Variants in RTTN observed in about 807,000 individuals in gnomAD.
RTTN encodes rotatin.
A neutral mutation model predicts 269.2 loss-of-function variants in RTTN; 182 were observed. The observed-to-expected ratio is 0.68, with a 90% CI of 0.60 to 0.76. The LOEUF (loss-of-function observed/expected upper bound fraction) is 0.76, where lower values mean the gene tolerates loss of function less well. RTTN is among the 30% of genes least tolerant of loss of function. The pLI is 0.00. For synonymous variants in RTTN, 1,006 were observed against 963.5 expected (o/e 1.04, Z -0.82); for missense variants, 2,545 against 2,608.6 (o/e 0.98, Z 0.53).
At chr18:70,139,052 T>C (rs2060194745) in intron 21 of RTTN, 1 of 151,420 alleles carries the variant, frequency 6.6e-6, no homozygotes, top group African/African-American at 2.4e-5. Context: ...TGAAACGTGT[T>C]CATCTAACAC....
intron 28 of RTTN, among the ~76,000 whole-genome samples, chr18:70,095,569 G>A (rs2058979537): frequency 6.6e-6 from 1 of 152,142 alleles, no homozygotes; most frequent in Non-Finnish European, 1.5e-5. Flanking sequence ...AGTTTGGCTA[G>A]ATATGAAATT....
chr18:70,070,074 T>TA (rs1278388954), intron 34 of RTTN, among the ~76,000 whole-genome samples: 6 of 152,034 alleles, frequency 3.9e-5, no homozygotes, highest in African/African-American at 7.2e-5. Context: ...ACAATATATG[T>TA]AAAAAAAAGA....
chr18:70,119,764 T>C (rs1413773988), intron 26 of RTTN, among the ~76,000 whole-genome samples: 1 of 152,238 alleles, frequency 6.6e-6, no homozygotes, highest in Non-Finnish European at 1.5e-5. Context: ...ATACATGGTT[T>C]CCATTTTTGT....
intron 27 of RTTN, among the ~76,000 whole-genome samples, chr18:70,111,473 T>C (rs908213015): frequency 9.2e-5 from 14 of 151,914 alleles, no homozygotes; most frequent in Non-Finnish European, 1.9e-4. Context: ...CATGGGCCTG[T>C]CAGAAGGAAA....
At chr18:70,144,317 C>T (rs539236271) in intron 18 of RTTN, among the ~76,000 whole-genome samples, 16 of 152,188 alleles carry the variant, frequency 1.1e-4, no homozygotes, top group African/African-American at 3.9e-4. Context: ...TTCCCTGTTG[C>T]TCCCAGAAGC....
rs2056109015 is a variant in RTTN at position 70,004,204 on chromosome 18, C to T, written c.6628G>A (p.Ala2210Thr). ...TTTTCAAGACATTTCAAATAATAGG[C>T]ATTTAGAGGGTTTGCTTCTGAGTTT... ...FPNSEANPLNAYYLKCLENLV... is the reference protein window; with the variant it reads ...FPNSEANPLNTYYLKCLENLV... Residue 2210 changes from alanine (A) to threonine (T), a missense_variant, in exon 49 of 49, where the codon GCC becomes ACC. Coordinates refer to ENST00000640769, the MANE Select transcript of RTTN (RefSeq NM_173630.4). 2 of 1,613,662 alleles carry T rather than the reference C, an allele frequency of 1.2e-6. No homozygotes were observed. The highest frequency in any genetic ancestry group is 8.5e-7 in the Non-Finnish European group (1 of 1,179,680).
At chr18:70,100,945 T>C (rs911662385) in intron 28 of RTTN, among the ~76,000 whole-genome samples, 1 of 152,210 alleles carries the variant, frequency 6.6e-6, no homozygotes, top group Non-Finnish European at 1.5e-5. Context: ...TCATGGTGGA[T>C]AAGCTTTTTC....
At chr18:70,108,203 G>A (rs1275013282) in intron 28 of RTTN, among the ~76,000 whole-genome samples, 2 of 152,074 alleles carry the variant, frequency 1.3e-5, no homozygotes, top group African/African-American at 4.8e-5. Flanking sequence ...CTTGAACCCG[G>A]GAGGCAGAGG....
chr18:70,013,381 G>GTA (rs1444946491), intron 46 of RTTN, among the ~76,000 whole-genome samples: 2 of 150,816 alleles, frequency 1.3e-5, no homozygotes, highest in African/African-American at 5.0e-5. Context: ...GTGTGTGTAT[G>GTA]TATATATACA....
At chr18:70,127,819 T>C in intron 24 of RTTN, 78 bp from the exon 25 acceptor site, 2 of 1,318,438 alleles carry the variant, frequency 1.5e-6, no homozygotes, top group Non-Finnish European at 2.0e-6. Flanking sequence ...TATTATAAAC[T>C]CTCCCAAAAG....
chr18:70,004,368 A>G (rs2056115258), intron 48 of RTTN, 132 bp from the exon 49 acceptor site: 1 of 503,422 alleles, frequency 2.0e-6, no homozygotes, highest in East Asian at 3.2e-5. Context: ...TCTTGATGTA[A>G]TAGCATTCCA....
At chr18:70,087,191 T>C (rs2058724178) in intron 31 of RTTN, among the ~76,000 whole-genome samples, 1 of 152,046 alleles carries the variant, frequency 6.6e-6, no homozygotes. Flanking sequence ...CTGAAGATGA[T>C]CAAATTAAAT....
At chr18:70,196,399 G>C in intron 7 of RTTN, 102 bp downstream of exon 7, 1 of 999,292 alleles carries the variant, frequency 1.0e-6, no homozygotes, top group Non-Finnish European at 1.4e-6. Context: ...TTTATGTTGT[G>C]AAAATGCGTA....
chr18:70,030,487 C>A (rs979588252), intron 41 of RTTN, among the ~76,000 whole-genome samples: 2 of 152,130 alleles, frequency 1.3e-5, no homozygotes, highest in Non-Finnish European at 2.9e-5. Context: ...GAAATTTATA[C>A]GAAAATATGG....
At chr18:70,052,633 T>C (rs1166679741) in intron 38 of RTTN, among the ~76,000 whole-genome samples, 1 of 98,062 alleles carries the variant, frequency 1.0e-5, no homozygotes. Context: ...TTTCATGTAA[T>C]TTATTTACTT....
intron 14 of RTTN, among the ~76,000 whole-genome samples, chr18:70,159,986 C>A (rs1191852977): frequency 6.6e-6 from 1 of 152,058 alleles, no homozygotes; most frequent in African/African-American, 2.4e-5. Context: ...GACAAACTCA[C>A]AGCCAAATTC....
intron 14 of RTTN, among the ~76,000 whole-genome samples, chr18:70,159,288 T>C (rs563239933): frequency 6.6e-6 from 1 of 152,282 alleles, no homozygotes; most frequent in African/African-American, 2.4e-5. Flanking sequence ...AGAAGATCTC[T>C]CAAAAATGAT....
At chr18:70,107,786 A>G (rs1259914279) in intron 28 of RTTN, among the ~76,000 whole-genome samples, 1 of 152,250 alleles carries the variant, frequency 6.6e-6, no homozygotes, top group African/African-American at 2.4e-5. Flanking sequence ...TGAGAAAGGA[A>G]TAATTAATGT....
intron 12 of RTTN, 33 bp downstream of exon 12, chr18:70,168,822 G>C: frequency 6.9e-7 from 1 of 1,452,406 alleles, no homozygotes; most frequent in Non-Finnish European, 9.5e-7. Flanking sequence ...TATGTCAAAG[G>C]GATTTAAAAG....
Sources: allele counts gnomAD v4.1 joint callset (sites outside exome capture counted in the v4.1 genomes callset), GRCh38; gene constraint gnomAD v4.1.1; transcripts MANE v1.5; gene names NCBI Gene and HGNC (gene_info 2026-07-23, HGNC 2026-07-21).